LAMA4: variants seen among roughly 807,000 people sequenced by gnomAD.
The protein encoded by LAMA4 is laminin subunit alpha 4.
In LAMA4, 127 loss-of-function variants were observed where a neutral mutation model predicts 207.1. The observed-to-expected ratio is 0.61, with a 90% CI of 0.53 to 0.71. The LOEUF is 0.71. Ranked by LOEUF, LAMA4 falls within the 30% of genes least tolerant of loss-of-function variation. The pLI is 0.00. For missense variants in LAMA4, 2,093 were observed against 2,246.5 expected (o/e 0.93, Z 1.38); for synonymous variants, 761 against 816.0 (o/e 0.93, Z 1.15).
intron 15 of LAMA4, chr6:112,155,242 G>A (rs1217537076): frequency 1.8e-6 from 1 of 556,826 alleles, no homozygotes; most frequent in Non-Finnish European, 3.2e-6. Context: ...ATTTTGAGTT[G>A]AAAAAAATAT....
intron 5 of LAMA4, among the ~76,000 whole-genome samples, chr6:112,194,945 T>A (rs1783325109): frequency 6.6e-6 from 1 of 152,222 alleles, no homozygotes; most frequent in Non-Finnish European, 1.5e-5. Flanking sequence ...TTGTGGCATA[T>A]GAACTTTGTC....
intron 2 of LAMA4, among the ~76,000 whole-genome samples, chr6:112,239,231 G>T (rs1203620218): frequency 6.9e-6 from 1 of 145,366 alleles, no homozygotes; most frequent in Non-Finnish European, 1.5e-5. Flanking sequence ...TGAGGCATGA[G>T]AATAGCTTGA....
chr6:112,242,379 A>C (rs190314085), intron 2 of LAMA4, among the ~76,000 whole-genome samples: 122 of 152,198 alleles, frequency 8.0e-4, no homozygotes, highest in Non-Finnish European at 1.4e-3. Flanking sequence ...ACTTAGCCAT[A>C]ATTTATGTTT....
At chr6:112,149,271 C>A (rs1780229220) in intron 17 of LAMA4, among the ~76,000 whole-genome samples, 1 of 152,066 alleles carries the variant, frequency 6.6e-6, no homozygotes, top group Admixed American at 6.5e-5. Context: ...GCAGCAAGTT[C>A]CCTAACCTTC....
In LAMA4 at chr6:112,129,089, A is replaced by G; in HGVS notation, c.4134-14T>C. 6.2e-7 allele frequency: 1 copy of G among 1,601,684 alleles called. No homozygotes were observed. Among genetic ancestry groups the G allele is most frequent in the African/African-American group, 1.3e-5 (1 of 74,704 alleles). Reference sequence around the variant, plus strand: ...TCTCTATCCACCCTGTGTTTGTAACAGAGGAAAAAATAAATATTAAAAATA... The same window carrying G: ...TCTCTATCCACCCTGTGTTTGTAACGGAGGAAAAAATAAATATTAAAAATA... On this transcript the variant is annotated splice_polypyrimidine_tract_variant and intron_variant, in intron 30 of 38. Transcript: ENST00000230538.
chr6:112,132,506 C>A (rs1554330083), intron 28 of LAMA4, among the ~76,000 whole-genome samples: 1 of 152,070 alleles, frequency 6.6e-6, no homozygotes, highest in African/African-American at 2.4e-5. Flanking sequence ...CGCATTAAGT[C>A]CACAGACCCC....
At chr6:112,230,161 C>A (rs1343210283) in intron 2 of LAMA4, among the ~76,000 whole-genome samples, 3 of 152,128 alleles carry the variant, frequency 2.0e-5, no homozygotes, top group African/African-American at 7.2e-5. Context: ...TGTGTTCAGT[C>A]CCCATTTGTT....
At chr6:112,238,910 C>T (rs1554367091) in intron 2 of LAMA4, among the ~76,000 whole-genome samples, 1 of 152,150 alleles carries the variant, frequency 6.6e-6, no homozygotes, top group East Asian at 1.9e-4. Flanking sequence ...TAATACATTT[C>T]ACTTCGTAGG....
chr6:112,120,667 C>G (rs1778300507), intron 32 of LAMA4, among the ~76,000 whole-genome samples, 195 bp from the exon 33 acceptor site: 1 of 152,194 alleles, frequency 6.6e-6, no homozygotes, highest in South Asian at 2.1e-4. Flanking sequence ...AAATTCTTCT[C>G]TACTTCCTTA....
chr6:112,184,223 A>T (rs73764703), intron 9 of LAMA4, among the ~76,000 whole-genome samples: 23,170 of 151,780 alleles, frequency 0.15, 1,986 homozygotes, highest in East Asian at 0.29. Flanking sequence ...TTATTTTTTT[A>T]AAATTTTTGT....
At chr6:112,213,995 C>A in intron 3 of LAMA4, 1 of 755,878 alleles carries the variant, frequency 1.3e-6, no homozygotes, top group South Asian at 1.4e-5. Context: ...GGAGCCCTGG[C>A]TTCTCTGGCT....
At chr6:112,231,878 T>G (rs536023286) in intron 2 of LAMA4, among the ~76,000 whole-genome samples, 1 of 152,268 alleles carries the variant, frequency 6.6e-6, no homozygotes, top group East Asian at 1.9e-4. Context: ...CCCCACAGAG[T>G]GTTTGTAACC....
chr6:112,122,295 A>G, intron 31 of LAMA4, 94 bp from the exon 32 acceptor site: 2 of 937,532 alleles, frequency 2.1e-6, no homozygotes, highest in Non-Finnish European at 3.3e-6. Context: ...ATAAAAAATT[A>G]TATATTATTT....
intron 2 of LAMA4, chr6:112,218,532 A>G (rs1784757148): frequency 6.6e-6 from 1 of 152,208 alleles, no homozygotes; most frequent in African/African-American, 2.4e-5. Flanking sequence ...CCCACAGAAT[A>G]TACTGATAAT....
At chr6:112,144,155 A>G (rs984751539) in intron 19 of LAMA4, among the ~76,000 whole-genome samples, 2 of 152,206 alleles carry the variant, frequency 1.3e-5, no homozygotes, top group African/African-American at 4.8e-5. Flanking sequence ...CACATTGAAA[A>G]GTAATTGCTA....
At chr6:112,199,572 A>T (rs1554351516) in intron 5 of LAMA4, among the ~76,000 whole-genome samples, 1 of 152,120 alleles carries the variant, frequency 6.6e-6, no homozygotes, top group South Asian at 2.1e-4. Flanking sequence ...GTAATCGATC[A>T]TCTCTGTCAG....
At chr6:112,210,940 A>G (rs1423643019) in intron 3 of LAMA4, among the ~76,000 whole-genome samples, 1 of 152,250 alleles carries the variant, frequency 6.6e-6, no homozygotes, top group Non-Finnish European at 1.5e-5. Context: ...CAAATGCCGT[A>G]AATATTGGTA....
At chr6:112,139,027 T>C in intron 24 of LAMA4, 93 bp downstream of exon 24, 1 of 1,232,416 alleles carries the variant, frequency 8.1e-7, no homozygotes, top group South Asian at 1.2e-5. Context: ...TTTGATGGCA[T>C]GACACACTAG....
chr6:112,178,086 T>C (rs1782127622), intron 10 of LAMA4, 35 bp downstream of exon 10: 3 of 1,416,216 alleles, frequency 2.1e-6, no homozygotes, highest in African/African-American at 1.4e-5. Context: ...AGTGTTTCCT[T>C]GATATTAAAC....
Sources: allele counts gnomAD v4.1 joint callset (sites outside exome capture counted in the v4.1 genomes callset), GRCh38; gene constraint gnomAD v4.1.1; transcripts MANE v1.5; gene names NCBI Gene and HGNC (gene_info 2026-07-23, HGNC 2026-07-21).